Variants in HHAT observed in about 807,000 individuals in gnomAD.
HHAT encodes protein-cysteine N-palmitoyltransferase HHAT.
Under a neutral mutation model 70.8 loss-of-function variants are expected in HHAT, and 47 were observed. That is an observed-to-expected ratio of 0.66 (90% CI 0.53 to 0.85). HHAT has a LOEUF of 0.85. HHAT is among the 40% of genes least tolerant of loss of function. The pLI is 0.00. For synonymous variants in HHAT, 228 were observed against 247.6 expected (o/e 0.92, Z 0.74); for missense variants, 609 against 604.8 (o/e 1.01, Z -0.07).
chr1:210,471,145 G>C (rs934800392), intron 8 of HHAT, among the ~76,000 whole-genome samples: 4 of 152,086 alleles, frequency 2.6e-5, no homozygotes, highest in African/African-American at 9.7e-5. Flanking sequence ...AAGTATTTAG[G>C]TCTGGCAGCT....
intron 8 of HHAT, among the ~76,000 whole-genome samples, chr1:210,494,811 C>A (rs1213377337): frequency 6.6e-6 from 1 of 152,074 alleles, no homozygotes; most frequent in Non-Finnish European, 1.5e-5. Context: ...CCTCTGCTCC[C>A]AAAGTGCTGG....
chr1:210,539,240 C>CAA (rs377158339), intron 9 of HHAT, among the ~76,000 whole-genome samples: 5 of 151,908 alleles, frequency 3.3e-5, no homozygotes, highest in African/African-American at 1.2e-4. Flanking sequence ...TACCTCAGGC[C>CAA]AAAAAAACAG....
At chr1:210,332,899 C>A (rs2085119939) in intron 1 of HHAT, among the ~76,000 whole-genome samples, 1 of 152,278 alleles carries the variant, frequency 6.6e-6, no homozygotes, top group Non-Finnish European at 1.5e-5. Context: ...GGGTCTTCCC[C>A]CTTTTCAAAG....
chr1:210,383,247 C>T (rs892093768), intron 3 of HHAT, among the ~76,000 whole-genome samples: 10 of 151,986 alleles, frequency 6.6e-5, no homozygotes, highest in East Asian at 1.9e-4. Context: ...GGCTGAGGCA[C>T]GAGAATCACT....
intron 9 of HHAT, among the ~76,000 whole-genome samples, chr1:210,575,986 C>A (rs369343227): frequency 6.6e-6 from 1 of 152,006 alleles, no homozygotes; most frequent in Non-Finnish European, 1.5e-5. Context: ...ACTGACTTAC[C>A]CTGACACACC....
chr1:210,574,607 A>C (rs999507568), intron 9 of HHAT, among the ~76,000 whole-genome samples: 2 of 152,242 alleles, frequency 1.3e-5, no homozygotes, highest in African/African-American at 4.8e-5. Context: ...GTTTTTGCTG[A>C]CTGACCAACC....
chr1:210,457,575 A>G (rs1208428332), intron 7 of HHAT, among the ~76,000 whole-genome samples: 1 of 152,114 alleles, frequency 6.6e-6, no homozygotes, highest in Admixed American at 6.5e-5. Context: ...ACACACGATG[A>G]GATTCGGAAG....
At chr1:210,474,213 A>G (rs1054098669) in intron 8 of HHAT, among the ~76,000 whole-genome samples, 6 of 152,192 alleles carry the variant, frequency 3.9e-5, no homozygotes, top group Admixed American at 3.3e-4. Flanking sequence ...CATAGTAGGC[A>G]CTTAACAAAC....
chr1:210,437,393 G>T (rs567654192), intron 7 of HHAT, among the ~76,000 whole-genome samples: 1 of 152,010 alleles, frequency 6.6e-6, no homozygotes, highest in South Asian at 2.1e-4. Context: ...AATTTGGAAA[G>T]CAGATTCACA....
At chr1:210,379,167 C>G (rs1024390794) in intron 3 of HHAT, among the ~76,000 whole-genome samples, 7 of 152,234 alleles carry the variant, frequency 4.6e-5, no homozygotes, top group Non-Finnish European at 2.9e-5. Flanking sequence ...GCTTCAGCAT[C>G]TCTGAACTGA....
Position 210,387,463 on chromosome 1 carries a change from T to C in HHAT, c.160-5T>C. ...CCCTCTGATAAACTATTTTGTCCTATTTAGGATGCGACCGACTTTGAGTGG... is the reference window on the plus strand; with the variant it reads ...CCCTCTGATAAACTATTTTGTCCTACTTAGGATGCGACCGACTTTGAGTGG... On this transcript the variant is annotated splice_region_variant and splice_polypyrimidine_tract_variant and intron_variant, in intron 3 of 11. Transcript: ENST00000261458. The C allele has an allele frequency of 6.2e-7, 1 of 1,613,068 alleles. No individual in the cohort carries two copies. The highest frequency in any genetic ancestry group is 1.3e-5 in the African/African-American group (1 of 75,014).
At chr1:210,579,172 A>G (rs1318773480) in intron 9 of HHAT, among the ~76,000 whole-genome samples, 1 of 152,158 alleles carries the variant, frequency 6.6e-6, no homozygotes, top group African/African-American at 2.4e-5. Flanking sequence ...GAATCAGGAA[A>G]AATAACTAAT....
At chr1:210,435,519 T>C (rs7527066) in intron 7 of HHAT, among the ~76,000 whole-genome samples, 34,263 of 151,616 alleles carry the variant, frequency 0.23, 4,409 homozygotes, top group Admixed American at 0.35. Flanking sequence ...ATGGTGGTTC[T>C]ATTTTTGTTT....
At position 210,586,858 on chromosome 1, in the gene HHAT, G is replaced by A. The variant is rs181877714; in HGVS notation, c.1044-1040G>A. 6.6e-5 allele frequency among the ~76,000 whole-genome samples: 10 copies of A among 152,330 alleles called. No individual in the cohort carries two copies. The East Asian group carries it at 1.4e-3, about 21-fold the overall frequency. ...CTCAAGCAGGAAATTACTGATTGAA[G>A]AACATAGTACTGTCTCTACGTACTC... On this transcript the variant is annotated intron_variant, in intron 9 of 11. Transcript: ENST00000261458.
At chr1:210,389,725 C>T (rs549146695) in intron 4 of HHAT, among the ~76,000 whole-genome samples, 1 of 152,346 alleles carries the variant, frequency 6.6e-6, no homozygotes, top group South Asian at 2.1e-4. Context: ...GTTAATTAAA[C>T]CTCTTCTTCA....
At chr1:210,370,305 C>A (rs1571940210) in intron 3 of HHAT, among the ~76,000 whole-genome samples, 1 of 149,336 alleles carries the variant, frequency 6.7e-6, no homozygotes, top group Admixed American at 6.7e-5. Context: ...CTCCCAAGTA[C>A]CTGGGATTAC....
chr1:210,491,061 C>CAGAG (rs1479430440), intron 8 of HHAT, among the ~76,000 whole-genome samples: 1 of 73,400 alleles, frequency 1.4e-5, no homozygotes, highest in Non-Finnish European at 2.9e-5. Flanking sequence ...CACACACACA[C>CAGAG]ATAGTGTGTG....
chr1:210,654,702 C>A (rs888989907), intron 11 of HHAT, among the ~76,000 whole-genome samples: 3 of 152,184 alleles, frequency 2.0e-5, no homozygotes, highest in Admixed American at 6.5e-5. Context: ...TTGTTCCCAG[C>A]CAAATGGCAA....
At chr1:210,352,145 G>A (rs1183704750) in intron 2 of HHAT, among the ~76,000 whole-genome samples, 1 of 152,184 alleles carries the variant, frequency 6.6e-6, no homozygotes, top group Non-Finnish European at 1.5e-5. Context: ...GGGGCGAGGG[G>A]TTCCTTTGCG....
Sources: allele counts gnomAD v4.1 joint callset (sites outside exome capture counted in the v4.1 genomes callset), GRCh38; gene constraint gnomAD v4.1.1; transcripts MANE v1.5; gene names NCBI Gene and HGNC (gene_info 2026-07-23, HGNC 2026-07-21).